The following WDR11 variants were observed in gnomAD, a reference collection of about 807,000 sequenced individuals.
WDR11 encodes the protein WD repeat domain 11.
WDR11 carries 83 observed loss-of-function variants against 151.2 expected under a neutral mutation model. The ratio of observed to expected loss-of-function variants is 0.55; its 90% confidence interval spans 0.46 to 0.66. WDR11 has a LOEUF of 0.66. Ranked by LOEUF, WDR11 falls within the 30% of genes least tolerant of loss-of-function variation. The pLI, the probability that WDR11 is intolerant of heterozygous loss-of-function variation, is 0.00. For missense variants in WDR11, 1,301 were observed against 1,480.9 expected (o/e 0.88, Z 1.99); for synonymous variants, 484 against 533.1 (o/e 0.91, Z 1.27).
intron 19 of WDR11, among the ~76,000 whole-genome samples, chr10:120,898,619 T>TA (rs1435559816): frequency 6.6e-6 from 1 of 152,152 alleles, no homozygotes; most frequent in Non-Finnish European, 1.5e-5. Context: ...GATTGGATCA[T>TA]GGGGGCAGAT....
chr10:120,904,183 C>A, intron 24 of WDR11, 41 bp downstream of exon 24: 1 of 1,446,680 alleles, frequency 6.9e-7, no homozygotes, highest in Non-Finnish European at 9.7e-7. Flanking sequence ...CATTAAATTG[C>A]TAGTTAATTC....
intron 27 of WDR11, chr10:120,906,355 C>T (rs780757562): frequency 8.0e-6 from 10 of 1,255,838 alleles, no homozygotes; most frequent in Non-Finnish European, 1.0e-5. Context: ...GGAGAGGCGA[C>T]AGAAGGCATG....
intron 9 of WDR11, among the ~76,000 whole-genome samples, chr10:120,870,175 G>A (rs1386901661): frequency 6.6e-6 from 1 of 152,056 alleles, no homozygotes; most frequent in Non-Finnish European, 1.5e-5. Flanking sequence ...GGATTAAAAT[G>A]CTATTTTTTC....
At position 120,909,086 on chromosome 10, in the gene WDR11, A is replaced by G; in HGVS notation, c.*373A>G. On this transcript the variant is annotated 3_prime_UTR_variant, in exon 29 of 29. Coordinates refer to ENST00000263461, the MANE Select transcript of WDR11 (RefSeq NM_018117.12). ...TATTGAGAAACCTATAGTAAATGAA[A>G]TTTGTGAGATGTTTTCTCAAATATA... 3.7e-6 allele frequency: 1 copy of G among 271,268 alleles called. No homozygotes were observed. Among genetic ancestry groups the G allele is most frequent in the East Asian group, 9.0e-5 (1 of 11,120 alleles). 16.8% of individuals were successfully genotyped at this position (271,268 alleles called of 1,614,324 possible).
Position 120,886,741 on chromosome 10 carries a change from C to T in WDR11, c.2026C>T (p.Arg676Trp), listed in dbSNP as rs1328975457. ...KSELSQNISA[R>W]EHFVFTDIDG... ...TGAACTTAGTCAGAACATCTCTGCC[C>T]GGGAACATTTTGTATTTACCGATAT... is the stretch of plus-strand genomic sequence containing the variant. Residue 676 changes from arginine (R) to tryptophan (W), a missense_variant, in exon 16 of 29, where the codon CGG (arginine) becomes TGG (tryptophan). Coordinates refer to ENST00000263461, the MANE Select transcript of WDR11 (RefSeq NM_018117.12). The T allele has an allele frequency of 6.2e-6, 10 of 1,613,746 alleles. No homozygotes were observed. Among genetic ancestry groups the T allele is most frequent in the Admixed American group, 1.7e-5 (1 of 59,958 alleles).
chr10:120,898,793 AC>A (rs1847704156), intron 19 of WDR11, among the ~76,000 whole-genome samples: 1 of 84,924 alleles, frequency 1.2e-5, no homozygotes, highest in African/African-American at 7.4e-5. Context: ...CCCCAGCCAT[AC>A]GGAACTGTTG....
intron 3 of WDR11, among the ~76,000 whole-genome samples, chr10:120,859,298 C>A (rs12359633): frequency 0.31 from 43,902 of 140,084 alleles, 6,986 homozygotes; most frequent in Admixed American, 0.43. Flanking sequence ...GATGGAGTGT[C>A]GCTCTGTTGC....
intron 5 of WDR11, among the ~76,000 whole-genome samples, chr10:120,863,396 A>T (rs886713096): frequency 6.6e-6 from 1 of 152,168 alleles, no homozygotes; most frequent in African/African-American, 2.4e-5. Context: ...TAGCTATGAG[A>T]CTGAGAAACT....
intron 4 of WDR11, among the ~76,000 whole-genome samples, chr10:120,861,917 A>C (rs779364843): frequency 2.0e-5 from 3 of 152,170 alleles, no homozygotes; most frequent in Non-Finnish European, 2.9e-5. Flanking sequence ...CTAAATATTA[A>C]GGGAAAAGAA....
chr10:120,858,746 C>T lies in WDR11; in HGVS notation c.302C>T (p.Ala101Val), dbSNP rs1409670046. ...VNGKIIVWDV[A>V]AGVAQCEIQE... Reference sequence around the variant, plus strand: ...GGGAAGATCATCGTCTGGGATGTAGCAGCAGGAGTAGCTCAGTGTGAGATC... The same window carrying T: ...GGGAAGATCATCGTCTGGGATGTAGTAGCAGGAGTAGCTCAGTGTGAGATC... The change falls in exon 3 of 29, where the codon GCA (alanine) becomes GTA (valine). Residue 101 changes from alanine to valine, a missense_variant. Transcript: ENST00000263461. 4 of 1,614,186 alleles carry T rather than the reference C, an allele frequency of 2.5e-6. No homozygotes were observed. Among genetic ancestry groups the T allele is most frequent in the Non-Finnish European group, 3.4e-6 (4 of 1,180,032 alleles).
chr10:120,874,193 G>GTTTT (rs1554854855), intron 11 of WDR11, among the ~76,000 whole-genome samples: 1 of 75,334 alleles, frequency 1.3e-5, no homozygotes, highest in African/African-American at 4.6e-5. Flanking sequence ...TTTTTTTTTT[G>GTTTT]TTGTTGTTGT....
chr10:120,908,689 C>T lies in WDR11; in HGVS notation c.3651C>T (p.Pro1217=), dbSNP rs777073868. ...GKDLLNELES[P]KEEPIEE is the part of the protein sequence containing the mutation. Reference sequence around the variant, plus strand: ...ACTTATTGAATGAGCTTGAGTCCCCCAAGGAAGAACCCATTGAAGAGTGAC... The same window carrying T: ...ACTTATTGAATGAGCTTGAGTCCCCTAAGGAAGAACCCATTGAAGAGTGAC... The change falls in exon 29 of 29, where the codon CCC becomes CCT. Residue 1217 remains proline (P), a synonymous_variant. Transcript: ENST00000263461. 1 of 1,614,030 alleles carries T rather than the reference C, an allele frequency of 6.2e-7. No individual in the cohort carries two copies. Among genetic ancestry groups the T allele is most frequent in the East Asian group, 2.2e-5 (1 of 44,894 alleles).
Position 120,904,082 on chromosome 10 carries a change from G to A in WDR11, c.2967G>A (p.Val989=). The A allele has an allele frequency of 6.2e-7, 1 of 1,613,460 alleles. No homozygotes were observed. Among genetic ancestry groups the A allele is most frequent in the South Asian group, 1.1e-5 (1 of 91,062 alleles). ...TAGAAAGGGTTAATCTGCAGGAAGT[G>A]AAACGGTCAACTTATGATCATACAA... ...FQLERVNLQE[V]KRSTYDHTRK... The change falls in exon 24 of 29, where the codon GTG becomes GTA. Residue 989 remains valine, a synonymous_variant. Coordinates refer to ENST00000263461, the MANE Select transcript of WDR11 (RefSeq NM_018117.12).
At chr10:120,898,705 C>T (rs986793855) in intron 19 of WDR11, among the ~76,000 whole-genome samples, 7 of 152,190 alleles carry the variant, frequency 4.6e-5, no homozygotes, top group African/African-American at 9.7e-5. Context: ...CACTTGCCCC[C>T]TCGCTGGCTC....
At chr10:120,879,429 A>G (rs1846918982) in intron 12 of WDR11, 3 of 152,162 alleles carry the variant, frequency 2.0e-5, no homozygotes, top group Admixed American at 1.3e-4. Context: ...CTAATTTGCC[A>G]GCAGAATGGT....
chr10:120,906,473 C>T, intron 27 of WDR11: 1 of 1,278,134 alleles, frequency 7.8e-7, no homozygotes, highest in South Asian at 1.7e-5. Flanking sequence ...GGAAATATGA[C>T]AAAAGATTAC....
intron 18 of WDR11, among the ~76,000 whole-genome samples, chr10:120,890,461 G>A (rs544283343): frequency 8.5e-5 from 13 of 152,276 alleles, no homozygotes; most frequent in East Asian, 3.9e-4. Context: ...TGATCTGCCC[G>A]CCTCAGCCTC....
chr10:120,874,200 TTGTTGTTG>T lies in WDR11; in HGVS notation c.1556+279_1556+286del, dbSNP rs1355173890. Among the ~76,000 whole-genome samples the T allele has an allele frequency of 1.3e-3, 105 of 83,758 alleles. 2 individuals are homozygous for T. Among genetic ancestry groups the T allele is most frequent in the East Asian group, 9.0e-3 (21 of 2,326 alleles). 54.9% of individuals were successfully genotyped at this position (83,758 alleles called of 152,430 possible). A position where few individuals can be genotyped will look rare whatever the true frequency, so the allele number is the denominator to read the frequency against. ...AGTTTTTTTTTTTTTTTTGTTGTTG[TTGTTGTTG>T]TTTGTTTTGTTTTGTTTTGTTTTTT... On this transcript the variant is annotated intron_variant, in intron 11 of 28. Transcript: ENST00000263461.
At chr10:120,875,995 T>TTTGG (rs1846768866) in intron 11 of WDR11, among the ~76,000 whole-genome samples, 1 of 142,852 alleles carries the variant, frequency 7.0e-6, no homozygotes, top group Non-Finnish European at 1.5e-5. Flanking sequence ...TTTTTTTTTT[T>TTTGG]GAGTTGGAGT....
Sources: gnomAD v4.1 joint callset for allele counts (sites outside exome capture counted in the v4.1 genomes callset) on GRCh38, gnomAD v4.1.1 for gene constraint, MANE v1.5 for transcripts, NCBI Gene and HGNC (gene_info 2026-07-23, HGNC 2026-07-21) for gene names.